Variants in IL3RA observed in about 807,000 individuals in gnomAD.
IL3RA encodes interleukin 3 receptor subunit alpha.
In IL3RA, 73 loss-of-function variants were observed where a neutral mutation model predicts 52.3. The observed-to-expected ratio is 1.40, with a 90% CI of 1.16 to 1.70. IL3RA has a LOEUF of 1.70. Ranked by LOEUF, IL3RA falls within the 40% of genes most tolerant of loss-of-function variation. IL3RA has a pLI of 0.00. For missense variants in IL3RA, 664 were observed against 504.4 expected (o/e 1.32, Z -3.03); for synonymous variants, 260 against 194.0 (o/e 1.34, Z -2.83).
intron 4 of IL3RA, 81 bp downstream of exon 4, chrX:1,348,626 C>G: frequency 3.5e-6 from 3 of 852,980 alleles, no homozygotes; most frequent in Non-Finnish European, 5.7e-6. Flanking sequence ...TTCGCTGTGT[C>G]TTTTTTCTTT....
At chrX:1,340,664 AAGAC>A (rs1482303974) in intron 1 of IL3RA, among the ~76,000 whole-genome samples, 1 of 152,170 alleles carries the variant, frequency 6.6e-6, no homozygotes, top group Non-Finnish European at 1.5e-5. Flanking sequence ...TTCAAACACA[AAGAC>A]TGTGTGTACC....
At chrX:1,344,008 A>G (rs1487134183) in intron 2 of IL3RA, among the ~76,000 whole-genome samples, 1 of 151,836 alleles carries the variant, frequency 6.6e-6, no homozygotes, top group Non-Finnish European at 1.5e-5. Flanking sequence ...GTTAGCCAGG[A>G]TGGTCTTGAT....
intron 4 of IL3RA, among the ~76,000 whole-genome samples, chrX:1,350,404 A>G (rs1442914834): frequency 1.1e-4 from 16 of 152,112 alleles, no homozygotes; most frequent in African/African-American, 2.9e-4. Flanking sequence ...AGCCTGGCTA[A>G]CATGGTGAAA....
rs186006618 is a variant in IL3RA, at chrX:1,347,602, G to C, written c.184-829G>C. Among the ~76,000 whole-genome samples, 5 of 151,696 alleles carry C rather than the reference G, an allele frequency of 3.3e-5. No individual in the cohort carries two copies. The South Asian group carries it at 1.0e-3, about 32-fold the overall frequency. ...CCACTGAAGTCTAGCCTGGGCAAGC[G>C]GAGTGAGGCCCTGTCTTAACAAAAA... On this transcript the variant is annotated intron_variant, in intron 3 of 11. Transcript: ENST00000331035.
intron 3 of IL3RA, among the ~76,000 whole-genome samples, chrX:1,345,981 G>A (rs1488263745): frequency 6.6e-6 from 1 of 151,946 alleles, no homozygotes. Flanking sequence ...GGACAGGGTG[G>A]ATGTGAAAGT....
chrX:1,355,057 A>G, intron 6 of IL3RA, among the ~76,000 whole-genome samples: 1 of 14,210 alleles, frequency 7.0e-5, no homozygotes. Context: ...AGATGGAGGA[A>G]GGCGAGCAGG....
intron 4 of IL3RA, among the ~76,000 whole-genome samples, chrX:1,348,792 TTTC>T (rs1360512136): frequency 3.9e-4 from 55 of 140,188 alleles, no homozygotes; most frequent in Middle Eastern, 7.7e-3. Context: ...CCCTCCCTTC[TTTC>T]TTTTCTTCAC....
chrX:1,377,384 G>C (rs1161783219), intron 9 of IL3RA, among the ~76,000 whole-genome samples: 8 of 151,954 alleles, frequency 5.3e-5, no homozygotes, highest in Non-Finnish European at 1.2e-4. Flanking sequence ...GGGATGACAG[G>C]CGCCCGCCAC....
chrX:1,361,918 T>G (rs1161813047), intron 8 of IL3RA, among the ~76,000 whole-genome samples: 1 of 151,900 alleles, frequency 6.6e-6, no homozygotes, highest in Non-Finnish European at 1.5e-5. Context: ...ACGTGGGAGT[T>G]ATAAGGGCTA....
intron 8 of IL3RA, among the ~76,000 whole-genome samples, chrX:1,362,730 C>T (rs1454082233): frequency 2.0e-5 from 3 of 152,092 alleles, no homozygotes; most frequent in Non-Finnish European, 4.4e-5. Context: ...TCTCTGCCTC[C>T]GTCTCCACAT....
chrX:1,357,896 A>T (rs2086858926), intron 7 of IL3RA, among the ~76,000 whole-genome samples: 2 of 149,416 alleles, frequency 1.3e-5, no homozygotes, highest in African/African-American at 4.9e-5. Context: ...AGGTCAGGAG[A>T]TAGAGACCAT....
At position 1,341,825 on chromosome X, in the gene IL3RA, G is replaced by A; in HGVS notation, c.60G>A (p.Lys20=). 6.2e-7 allele frequency: 1 copy of A among 1,613,904 alleles called. No homozygotes were observed. The highest frequency in any genetic ancestry group is 8.5e-7 in the Non-Finnish European group (1 of 1,179,834). Reference sequence around the variant, plus strand: ...CCCTGCCCTGTCTCCTGCAAACGAAGGAAGGTAAGAACTGGAGAAAAAATG... The same window carrying A: ...CCCTGCCCTGTCTCCTGCAAACGAAAGAAGGTAAGAACTGGAGAAAAAATG... ...LIALPCLLQT[K]EDPNPPITNL... The change falls in exon 2 of 12, where the codon AAG becomes AAA. Residue 20 remains lysine (K), a synonymous_variant. Coordinates refer to ENST00000331035, the MANE Select transcript of IL3RA (RefSeq NM_002183.4).
rs747928289 is a variant in IL3RA, at chrX:1,364,897, C to T, written c.760-241C>T. Among the ~76,000 whole-genome samples the T allele has an allele frequency of 2.0e-5, 3 of 152,082 alleles. No individual in the cohort carries two copies. In the South Asian group the frequency reaches 6.2e-4, roughly 32 times the overall value. On this transcript the variant is annotated intron_variant, in intron 8 of 11. Transcript: ENST00000331035. ...CATCTCGCCTCACTGCAACCTCCAC[C>T]TCTCAGGTTTAAGCTATTCTCCTGC...
intron 9 of IL3RA, among the ~76,000 whole-genome samples, chrX:1,367,932 A>T (rs1398632572): frequency 6.6e-6 from 1 of 152,000 alleles, no homozygotes; most frequent in Non-Finnish European, 1.5e-5. Flanking sequence ...CCCGACGGTG[A>T]ACTCACAGCT....
chrX:1,365,185 A>G lies in IL3RA; in HGVS notation c.807A>G (p.Thr269=). ...SFQLLNPGTY[T]VQIRARERVY... is the part of the protein sequence containing the mutation. Reference sequence around the variant, plus strand: ...AGCTACTCAATCCTGGAACGTACACAGTACAAATAAGAGCCCGGGAAAGAG... The same window carrying G: ...AGCTACTCAATCCTGGAACGTACACGGTACAAATAAGAGCCCGGGAAAGAG... The change falls in exon 9 of 12, where the codon ACA becomes ACG. Residue 269 remains threonine (T), a synonymous_variant. Transcript: ENST00000331035. 1 of 1,611,186 alleles carries G rather than the reference A, an allele frequency of 6.2e-7. No homozygotes were observed. Among genetic ancestry groups the G allele is most frequent in the Non-Finnish European group, 8.5e-7 (1 of 1,178,840 alleles).
chrX:1,343,366 G>A (rs1446746260), intron 2 of IL3RA, among the ~76,000 whole-genome samples: 1 of 151,916 alleles, frequency 6.6e-6, no homozygotes, highest in East Asian at 1.9e-4. Flanking sequence ...AAATGTGATA[G>A]AATATTGCCT....
chrX:1,344,533 G>C (rs1388270090), intron 2 of IL3RA, among the ~76,000 whole-genome samples: 6 of 151,682 alleles, frequency 4.0e-5, no homozygotes, highest in African/African-American at 1.5e-4. Flanking sequence ...CCAGCACTTT[G>C]AGAGGCCGAG....
chrX:1,356,183 G>A, intron 6 of IL3RA, 38 bp from the exon 7 acceptor site: 1 of 1,194,310 alleles, frequency 8.4e-7, no homozygotes, highest in Non-Finnish European at 1.2e-6. Context: ...TTGATTTCTT[G>A]TACTCCTAAA....
rs1184428336 is a variant in IL3RA at position 1,348,439 on chromosome X, C to T, written c.192C>T (p.Asn64=). The T allele has an allele frequency of 1.6e-5, 26 of 1,612,534 alleles. No homozygotes were observed. The highest frequency in any genetic ancestry group is 5.0e-5 in the Admixed American group (3 of 59,956). Residue 64 remains asparagine (N), a synonymous_variant, in exon 4 of 12, where the codon AAC becomes AAT. Coordinates refer to ENST00000331035, the MANE Select transcript of IL3RA (RefSeq NM_002183.4). ...KDADYSMPAV[N]NSYCQFGAIS... ...TCCTATGTCTCTCTTAGGCAGTGAA[C>T]AATAGCTATTGCCAGTTTGGAGCAA...
Sources: gnomAD v4.1 joint callset for allele counts (sites outside exome capture counted in the v4.1 genomes callset) on GRCh38, gnomAD v4.1.1 for gene constraint, MANE v1.5 for transcripts, NCBI Gene and HGNC (gene_info 2026-07-23, HGNC 2026-07-21) for gene names.